The following SYNE1 variants were observed in gnomAD, a reference collection of about 807,000 sequenced individuals.
The protein encoded by SYNE1 is spectrin repeat containing nuclear envelope protein 1, also known as nesprin-1.
SYNE1 carries 616 observed loss-of-function variants against 1,111.0 expected under a neutral mutation model. The observed-to-expected ratio is 0.55, with a 90% CI of 0.52 to 0.59. The LOEUF is 0.59. SYNE1 is among the 20% of genes least tolerant of loss of function. The pLI is 0.00. For synonymous variants in SYNE1, 3,855 were observed against 3,825.8 expected (o/e 1.01, Z -0.28); for missense variants, 10,006 against 10,417.0 (o/e 0.96, Z 1.72).
rs148028681 is a variant in SYNE1, at chr6:152,353,641, C to T, written c.11030G>A (p.Cys3677Tyr). Residue 3677 changes from cysteine to tyrosine, a missense_variant, in exon 68 of 146, where the codon TGC (cysteine) becomes TAC (tyrosine). Around this residue, in one of 7 missense-constraint regions of SYNE1, gnomAD observed 4,955 missense variants for 5,017.2 expected, o/e 0.99. Coordinates refer to ENST00000367255, the MANE Select transcript of SYNE1 (RefSeq NM_182961.4). ...TCTGGAAGTCAGCTGGGTGGCCTGG[C>T]AACCCATTCTGCTGTTCACGTGGCT... ...DESHVNSRMG[C>Y]QATQLTSRYQ... 1.4e-4 allele frequency: 232 copies of T among 1,614,194 alleles called. No individual in the cohort carries two copies. The African/African-American group carries it at 2.8e-3, about 19-fold the overall frequency.
chr6:152,208,319 C>T (rs943762548), intron 124 of SYNE1, 113 bp from the exon 125 acceptor site: 25 of 972,592 alleles, frequency 2.6e-5, no homozygotes, highest in Admixed American at 7.9e-5. Flanking sequence ...TGATCTAGGG[C>T]GGTGGTTTTT....
chr6:152,458,373 C>A (rs2098710687), intron 22 of SYNE1, among the ~76,000 whole-genome samples: 1 of 152,168 alleles, frequency 6.6e-6, no homozygotes, highest in Non-Finnish European at 1.5e-5. Flanking sequence ...TACGCGTGCA[C>A]ACAGCAGATG....
chr6:152,326,221 A>G, intron 79 of SYNE1, 75 bp downstream of exon 79: 1 of 1,611,728 alleles, frequency 6.2e-7, no homozygotes, highest in Non-Finnish European at 8.5e-7. Flanking sequence ...GCTAATGTAT[A>G]TCATTCGTGT....
Position 152,257,470 on chromosome 6 carries a change from G to A in SYNE1, c.18973-705C>T, listed in dbSNP as rs543902993. Among the ~76,000 whole-genome samples the A allele has an allele frequency of 1.0e-3, 153 of 152,282 alleles. 1 individual carries two copies. The highest frequency in any genetic ancestry group is 1.6e-3 in the Non-Finnish European group (112 of 68,020). On this transcript the variant is annotated intron_variant, in intron 101 of 145. Coordinates refer to ENST00000367255, the MANE Select transcript of SYNE1 (RefSeq NM_182961.4). Reference sequence around the variant, plus strand: ...ATTGCTTGAACCAGAGGCAGAAATTGCAGTGAGCTGAGATCACACCACTGC... The same window carrying A: ...ATTGCTTGAACCAGAGGCAGAAATTACAGTGAGCTGAGATCACACCACTGC...
At chr6:152,302,568 T>C (rs983135696) in intron 91 of SYNE1, among the ~76,000 whole-genome samples, 2 of 152,216 alleles carry the variant, frequency 1.3e-5, no homozygotes, top group Admixed American at 1.3e-4. Flanking sequence ...ACATACTCAA[T>C]AGCCTGTCTG....
At chr6:152,500,759 C>T (rs2099025165) in intron 10 of SYNE1, among the ~76,000 whole-genome samples, 1 of 151,950 alleles carries the variant, frequency 6.6e-6, no homozygotes, top group African/African-American at 2.4e-5. Flanking sequence ...ACCATCCTGG[C>T]TAACACAGTG....
intron 134 of SYNE1, 121 bp from the exon 135 acceptor site, chr6:152,151,811 C>T (rs761885762): frequency 1.3e-6 from 2 of 1,495,992 alleles, no homozygotes; most frequent in Admixed American, 3.9e-5. Context: ...CAATGAGAAG[C>T]CTGCAATCCT....
intron 102 of SYNE1, 64 bp from the exon 103 acceptor site, chr6:152,255,810 C>T: frequency 1.3e-6 from 2 of 1,578,530 alleles, no homozygotes; most frequent in Non-Finnish European, 8.7e-7. Flanking sequence ...GGAAAAATAT[C>T]AGGATGGGGC....
chr6:152,533,936 A>C (rs1442380539), intron 4 of SYNE1, among the ~76,000 whole-genome samples: 2 of 152,106 alleles, frequency 1.3e-5, no homozygotes, highest in Admixed American at 1.3e-4. Context: ...AGGTTGGTGA[A>C]TTATTTGAGG....
intron 29 of SYNE1, among the ~76,000 whole-genome samples, chr6:152,444,786 C>T (rs1425092830): frequency 3.9e-5 from 6 of 152,078 alleles, no homozygotes; most frequent in Non-Finnish European, 8.8e-5. Flanking sequence ...CACTTAAGGT[C>T]CACTCTCGTA....
intron 6 of SYNE1, among the ~76,000 whole-genome samples, chr6:152,516,264 C>T (rs1219130375): frequency 2.0e-5 from 3 of 152,094 alleles, no homozygotes; most frequent in African/African-American, 7.2e-5. Context: ...GATTAAGAGA[C>T]TTGTGGGGAA....
Position 152,326,533 on chromosome 6 carries a change from G to A in SYNE1, c.15056C>T (p.Ala5019Val). Residue 5019 changes from alanine to valine, a missense_variant, in exon 79 of 146, where the codon GCA becomes GTA. Physicochemically the swap from Ala to Val is moderately conservative, Grantham distance 64 (BLOSUM62 0). Coordinates refer to ENST00000367255, the MANE Select transcript of SYNE1 (RefSeq NM_182961.4). ...GCTCTCCACGTCTAGGCCATTGCCT[G>A]CCAGCTGTAACAATTCTTGGGCATC... ...LEDAQELLQL[A>V]GNGLDVESAE... is the part of the protein sequence containing the mutation. 11 of 1,614,150 alleles carry A rather than the reference G, an allele frequency of 6.8e-6. No individual in the cohort carries two copies. The highest frequency in any genetic ancestry group is 9.3e-6 in the Non-Finnish European group (11 of 1,180,034).
At chr6:152,221,637 T>A in intron 117 of SYNE1, 78 bp from the exon 118 acceptor site, 1 of 1,582,910 alleles carries the variant, frequency 6.3e-7, no homozygotes, top group Non-Finnish European at 8.6e-7. Flanking sequence ...AATTTGTATA[T>A]GTTTTCATAA....
intron 3 of SYNE1, among the ~76,000 whole-genome samples, chr6:152,581,999 C>G (rs2128427859): frequency 6.6e-6 from 1 of 152,130 alleles, no homozygotes; most frequent in Admixed American, 6.5e-5. Flanking sequence ...TATCCCAGTA[C>G]TCAAAACTTT....
chr6:152,520,550 A>C lies in SYNE1; in HGVS notation c.226-8T>G. 1.2e-6 allele frequency: 2 copies of C among 1,613,574 alleles called. No individual in the cohort carries two copies. The highest frequency in any genetic ancestry group is 1.7e-6 in the Non-Finnish European group (2 of 1,179,606). On this transcript the variant is annotated splice_region_variant and splice_polypyrimidine_tract_variant and intron_variant, in intron 5 of 145. Transcript: ENST00000367255. ...GCGTCCTTGTTCACAAGGCTGTAAA[A>C]AGTGGGGTAAAAAAGGGAATGAGAC...
chr6:152,166,739 G>A (rs2063735958), intron 130 of SYNE1, among the ~76,000 whole-genome samples: 1 of 152,174 alleles, frequency 6.6e-6, no homozygotes, highest in South Asian at 2.1e-4. Flanking sequence ...GAACATTTAA[G>A]CAGTTCTTTT....
chr6:152,447,482 CT>C lies in SYNE1; in HGVS notation c.3644del (p.Lys1215ArgfsTer4). On this transcript the variant is annotated frameshift_variant, in exon 29 of 146. Coordinates refer to ENST00000367255, the MANE Select transcript of SYNE1 (RefSeq NM_182961.4). LOFTEE classifies it high-confidence loss of function. ...CCTCTGACAGCAGCGTCACAAGAGC[CT>C]TGAAAGAGCTGGATAATTTTGCCAG... is the stretch of plus-strand genomic sequence containing the variant. ...DELAKLSSSF[K>X]ALVTLLSEVE... 1 of 1,614,200 alleles carries C rather than the reference CT, an allele frequency of 6.2e-7. No homozygotes were observed. Among genetic ancestry groups the C allele is most frequent in the Non-Finnish European group, 8.5e-7 (1 of 1,180,034 alleles).
chr6:152,359,324 C>G lies in SYNE1; in HGVS notation c.10434G>C (p.Glu3478Asp). ...DLQERYRAIQERAKEAVTKSE... is the reference protein window; with the variant it reads ...DLQERYRAIQDRAKEAVTKSE... ...AAGTGCTTTGCCGTACCTTGGCCCTCTCTTGGATGGCTCTGTATCGTTCCT... is the reference window on the plus strand; with the variant it reads ...AAGTGCTTTGCCGTACCTTGGCCCTGTCTTGGATGGCTCTGTATCGTTCCT... The change falls in exon 65 of 146, where the codon GAG (glutamate) becomes GAC (aspartate). Residue 3478 changes from glutamate to aspartate, a missense_variant. Physicochemically the swap from Glu to Asp is conservative, Grantham distance 45. Around this residue, in one of 7 missense-constraint regions of SYNE1, gnomAD observed 4,955 missense variants for 5,017.2 expected, o/e 0.99. Transcript: ENST00000367255. 6.2e-7 allele frequency: 1 copy of G among 1,614,036 alleles called. No homozygotes were observed. The highest frequency in any genetic ancestry group is 8.5e-7 in the Non-Finnish European group (1 of 1,179,996).
rs1466360967 is a variant in SYNE1 at position 152,230,651 on chromosome 6, C to T, written c.21091G>A (p.Val7031Ile). Residue 7031 changes from valine to isoleucine, a missense_variant, in exon 115 of 146, where the codon GTA (valine) becomes ATA (isoleucine). Transcript: ENST00000367255. Reference sequence around the variant, plus strand: ...TCAAACCATGTTTTCAGACATTGTACATTATTTTCATATTCTGACCAAGAT... The same window carrying T: ...TCAAACCATGTTTTCAGACATTGTATATTATTTTCATATTCTGACCAAGAT... ...LESWSEYENN[V>I]QCLKTWFETQ... The T allele has an allele frequency of 6.2e-7, 1 of 1,613,912 alleles. No individual in the cohort carries two copies. Among genetic ancestry groups the T allele is most frequent in the Non-Finnish European group, 8.5e-7 (1 of 1,179,956 alleles).
Sources: allele counts gnomAD v4.1 joint callset (sites outside exome capture counted in the v4.1 genomes callset), GRCh38; gene constraint gnomAD v4.1.1; regional missense constraint gnomAD v4.1.1; transcripts MANE v1.5; gene names NCBI Gene and HGNC (gene_info 2026-07-23, HGNC 2026-07-21).